KLRG1: variants seen among roughly 807,000 people sequenced by gnomAD.
KLRG1 encodes killer cell lectin like receptor G1.
KLRG1 carries 16 observed loss-of-function variants against 21.8 expected under a neutral mutation model. The observed-to-expected ratio is 0.73, with a 90% confidence interval of 0.50 to 1.11. The LOEUF (loss-of-function observed/expected upper bound fraction) is 1.11, where lower values mean the gene tolerates loss of function less well. Ranked by LOEUF, KLRG1 falls within the 50% of genes most tolerant of loss-of-function variation. The pLI is 0.00. For missense variants in KLRG1, 173 were observed against 218.3 expected, an observed-to-expected ratio of 0.79 and a Z score of 1.31; for synonymous variants, 69 against 75.9, an observed-to-expected ratio of 0.91 and a Z score of 0.47.
At chr12:9,107,638 T>A in the KLRG1 span, 2 of 1,613,886 alleles carry the variant, frequency 1.2e-6, no homozygotes, top group Non-Finnish European at 1.7e-6. Context: ...GCTTCCCATA[T>A]GTGTATCTGT....
At chr12:9,020,988 C>T in the KLRG1 span, among the ~76,000 whole-genome samples, 1 of 152,120 alleles carries the variant, frequency 6.6e-6, no homozygotes, top group African/African-American at 2.4e-5. Context: ...ACCTGCACAG[C>T]AAGTTACTGT....
the KLRG1 span, chr12:9,154,923 C>T: frequency 7.6e-7 from 1 of 1,316,694 alleles, no homozygotes; most frequent in South Asian, 1.4e-5. Flanking sequence ...ATTCATAATA[C>T]ATGGAGCTGA....
the KLRG1 span, among the ~76,000 whole-genome samples, chr12:9,162,050 CT>C: frequency 1.3e-5 from 2 of 152,282 alleles, no homozygotes; most frequent in East Asian, 3.9e-4. Context: ...CAACCTCCCC[CT>C]GCCCGGCTCA....
the KLRG1 span, chr12:9,079,766 C>G: frequency 7.4e-6 from 12 of 1,612,688 alleles, no homozygotes; most frequent in Non-Finnish European, 1.0e-5. Context: ...AGCCATAGGG[C>G]ATCTGGAGAA....
At chr12:9,195,244 A>T in the KLRG1 span, among the ~76,000 whole-genome samples, 1 of 152,134 alleles carries the variant, frequency 6.6e-6, no homozygotes, top group South Asian at 2.1e-4. Flanking sequence ...AAAAATTTAA[A>T]ATAATAAAAA....
At chr12:9,172,987 T>A in the KLRG1 span, among the ~76,000 whole-genome samples, 1 of 152,258 alleles carries the variant, frequency 6.6e-6, no homozygotes, top group Non-Finnish European at 1.5e-5. Context: ...CTGATTGATA[T>A]CTACAGAACT....
chr12:9,109,757 C>A, the KLRG1 span: 1 of 1,088,000 alleles, frequency 9.2e-7, no homozygotes. Flanking sequence ...CTACTCCAAG[C>A]CCAATGTCAC....
the KLRG1 span, chr12:9,115,844 C>G: frequency 6.2e-7 from 1 of 1,612,952 alleles, no homozygotes; most frequent in South Asian, 1.1e-5. Flanking sequence ...GTTTGTTCTT[C>G]CCCATGTTGC....
the KLRG1 span, among the ~76,000 whole-genome samples, chr12:9,210,008 A>C: frequency 1.3e-5 from 2 of 152,166 alleles, no homozygotes; most frequent in Admixed American, 1.3e-4. Context: ...CAACATTACA[A>C]ATAATACTGC....
the KLRG1 span, among the ~76,000 whole-genome samples, chr12:9,060,573 G>A: frequency 2.0e-5 from 3 of 152,140 alleles, no homozygotes; most frequent in Non-Finnish European, 4.4e-5. Context: ...AGAGGTTGCA[G>A]TGAGCTGAGA....
the KLRG1 span, among the ~76,000 whole-genome samples, chr12:9,016,001 A>G: frequency 0.23 from 35,586 of 152,126 alleles, 4,862 homozygotes; most frequent in East Asian, 0.37. Flanking sequence ...ATGGGATACA[A>G]TGAAAGCAGT....
At chr12:9,054,643 C>T in the KLRG1 span, among the ~76,000 whole-genome samples, 7 of 152,094 alleles carry the variant, frequency 4.6e-5, no homozygotes, top group East Asian at 7.7e-4. Flanking sequence ...ACTATAGTTG[C>T]TCTATTTTGC....
At chr12:9,071,167 T>G in the KLRG1 span, among the ~76,000 whole-genome samples, 2 of 152,194 alleles carry the variant, frequency 1.3e-5, no homozygotes, top group Admixed American at 1.3e-4. Context: ...ACAGGCTGTT[T>G]GTGACCTCTA....
the KLRG1 span, among the ~76,000 whole-genome samples, chr12:9,068,585 A>G: frequency 2.0e-5 from 3 of 152,218 alleles, no homozygotes; most frequent in African/African-American, 7.2e-5. Flanking sequence ...TAATGTATGT[A>G]TAAGAGACAA....
chr12:9,158,210 C>T, the KLRG1 span, among the ~76,000 whole-genome samples: 1 of 152,192 alleles, frequency 6.6e-6, no homozygotes, highest in Non-Finnish European at 1.5e-5. Context: ...CTGCCTTGGC[C>T]TCCCAAAGTG....
the KLRG1 span, chr12:9,074,585 G>A: frequency 6.2e-7 from 1 of 1,612,542 alleles, no homozygotes; most frequent in Non-Finnish European, 8.5e-7. Flanking sequence ...ACCGCCCTGG[G>A]CATTCTGCTG....
At chr12:9,127,456 A>G in the KLRG1 span, among the ~76,000 whole-genome samples, 1 of 152,146 alleles carries the variant, frequency 6.6e-6, no homozygotes, top group Non-Finnish European at 1.5e-5. Context: ...ATTGGTAATA[A>G]TGCAATTAAA....
At chr12:8,988,595 A>T (rs1318382266), upstream of KLRG1, among the ~76,000 whole-genome samples, 2 of 151,732 alleles carry the variant, frequency 1.3e-5, no homozygotes, top group African/African-American at 4.8e-5. Flanking sequence ...TGTTTTTTTT[A>T]GACGGAGTTT....
At chr12:9,197,334 T>C in the KLRG1 span, among the ~76,000 whole-genome samples, 1 of 147,358 alleles carries the variant, frequency 6.8e-6, no homozygotes, top group African/African-American at 2.5e-5. Flanking sequence ...CCACATTCTC[T>C]TTGGGATTGA....
Sources: gnomAD v4.1 joint callset for allele counts (sites outside exome capture counted in the v4.1 genomes callset) on GRCh38, gnomAD v4.1.1 for gene constraint, MANE v1.5 for transcripts, NCBI Gene and HGNC (gene_info 2026-07-23, HGNC 2026-07-21) for gene names.